CPA6: variants seen among roughly 807,000 people sequenced by gnomAD.
CPA6 encodes carboxypeptidase B.
Under a neutral mutation model 63.3 loss-of-function variants are expected in CPA6, and 58 were observed. That is an observed-to-expected ratio of 0.92 (90% confidence interval 0.74 to 1.14). The LOEUF is 1.14. Among genes scored for constraint, CPA6 ranks in the 50% most tolerant of loss-of-function variants. CPA6 has a pLI of 0.00. For synonymous variants in CPA6, 185 were observed against 179.0 expected (o/e 1.03, Z -0.27); for missense variants, 565 against 526.6 (o/e 1.07, Z -0.71).
At chr8:67,509,966 G>C (rs1812010236) in intron 4 of CPA6, among the ~76,000 whole-genome samples, 1 of 152,046 alleles carries the variant, frequency 6.6e-6, no homozygotes, top group Middle Eastern at 3.2e-3. Flanking sequence ...TTTTCCACAA[G>C]TATTTAAGAG....
Position 67,722,422 on chromosome 8 carries a change from T to C in CPA6, c.116+23592A>G, listed in dbSNP as rs144746566. On this transcript the variant is annotated intron_variant, in intron 1 of 10. Transcript: ENST00000297770. ...CATTTTTTAAATCTGCAGGTAATTC[T>C]AATAAAAAAAAATCAGCTTTGAGAG... 5.4e-3 allele frequency among the ~76,000 whole-genome samples: 826 copies of C among 152,314 alleles called. 5 individuals are homozygous for C. Among genetic ancestry groups the C allele is most frequent in the Non-Finnish European group, 8.1e-3 (548 of 68,022 alleles).
At chr8:67,447,817 C>T (rs979505681) in intron 8 of CPA6, among the ~76,000 whole-genome samples, 1 of 152,022 alleles carries the variant, frequency 6.6e-6, no homozygotes, top group Non-Finnish European at 1.5e-5. Flanking sequence ...CAGAGTCTTG[C>T]TCTGTCACCC....
chr8:67,685,856 T>C (rs1422218486), intron 1 of CPA6, among the ~76,000 whole-genome samples: 2 of 152,250 alleles, frequency 1.3e-5, no homozygotes, highest in African/African-American at 2.4e-5. Flanking sequence ...CTTCCAGTTA[T>C]AGACATGGTT....
At chr8:67,516,766 A>T (rs1272594136) in intron 3 of CPA6, among the ~76,000 whole-genome samples, 1 of 151,778 alleles carries the variant, frequency 6.6e-6, no homozygotes, top group African/African-American at 2.4e-5. Flanking sequence ...TTTCTTTTTC[A>T]GCTCCTCTGA....
chr8:67,681,220 T>TTTTTTTTTTTTTTTAAG, intron 1 of CPA6, among the ~76,000 whole-genome samples: 1 of 129,832 alleles, frequency 7.7e-6, no homozygotes, highest in African/African-American at 3.2e-5. Context: ...TTTTTTTTTT[T>TTTTTTTTTTTTTTTAAG]GAGACGGAGT....
rs1173561771 is a variant in CPA6 at position 67,742,146 on chromosome 8, G to A, written c.116+3868C>T. On this transcript the variant is annotated intron_variant, in intron 1 of 10. Coordinates refer to ENST00000297770, the MANE Select transcript of CPA6 (RefSeq NM_020361.5). ...TCTACTTTTGTGTGTGTGTGTGTGC[G>A]CGTGTGTGTGTGACAACAGAAAGTT... 5.9e-5 allele frequency among the ~76,000 whole-genome samples: 9 copies of A among 152,040 alleles called. No individual in the cohort carries two copies. The South Asian group carries it at 6.2e-4, about 11-fold the overall frequency.
intron 8 of CPA6, among the ~76,000 whole-genome samples, chr8:67,456,258 G>T (rs1233746156): frequency 6.6e-6 from 1 of 152,174 alleles, no homozygotes; most frequent in African/African-American, 2.4e-5. Context: ...TTCTCAGAAT[G>T]CAGTTTTCCT....
At chr8:67,467,336 A>G (rs1810948818) in intron 8 of CPA6, among the ~76,000 whole-genome samples, 1 of 152,048 alleles carries the variant, frequency 6.6e-6, no homozygotes, top group South Asian at 2.1e-4. Flanking sequence ...ACCTTTTATA[A>G]TACTCCAGAT....
At chr8:67,433,758 A>G (rs1022501387) in intron 9 of CPA6, among the ~76,000 whole-genome samples, 1 of 152,212 alleles carries the variant, frequency 6.6e-6, no homozygotes, top group African/African-American at 2.4e-5. Context: ...CAGCTAGGGA[A>G]CTAGACTTGG....
intron 2 of CPA6, among the ~76,000 whole-genome samples, chr8:67,552,792 A>G (rs1028410153): frequency 2.1e-4 from 31 of 149,880 alleles, no homozygotes; most frequent in African/African-American, 7.5e-4. Flanking sequence ...AAAAAAAAAA[A>G]AAAAAAAAAG....
chr8:67,630,641 G>A (rs999226867), intron 1 of CPA6, among the ~76,000 whole-genome samples: 7 of 152,340 alleles, frequency 4.6e-5, no homozygotes. Context: ...GGGAACCCTT[G>A]AGCCCGCTGC....
At chr8:67,484,824 G>A in intron 6 of CPA6, 35 bp from the exon 7 acceptor site, 1 of 1,237,792 alleles carries the variant, frequency 8.1e-7, no homozygotes. Flanking sequence ...CTTTTAAATT[G>A]GTCCCCAAAA....
At chr8:67,674,277 T>C (rs1013189179) in intron 1 of CPA6, among the ~76,000 whole-genome samples, 2 of 152,160 alleles carry the variant, frequency 1.3e-5, no homozygotes, top group Non-Finnish European at 2.9e-5. Flanking sequence ...AGGAATGATG[T>C]AGATAAAATG....
chr8:67,700,348 C>T (rs1419625646), intron 1 of CPA6, among the ~76,000 whole-genome samples: 1 of 152,186 alleles, frequency 6.6e-6, no homozygotes, highest in Non-Finnish European at 1.5e-5. Flanking sequence ...TGGTAACTGA[C>T]CCCAAACTGT....
At chr8:67,468,514 A>G (rs1810980544) in intron 8 of CPA6, among the ~76,000 whole-genome samples, 1 of 151,956 alleles carries the variant, frequency 6.6e-6, no homozygotes. Flanking sequence ...TGAACCTGGG[A>G]GGTGAAAGTT....
chr8:67,461,387 CCGATCAACAGGATCCCAAGG>C (rs1810799951), intron 8 of CPA6, among the ~76,000 whole-genome samples: 1 of 148,070 alleles, frequency 6.8e-6, no homozygotes, highest in Non-Finnish European at 1.5e-5. Flanking sequence ...GGTAAGGTCA[CCGATCAACAGGATCCCAAGG>C]CAGAAGAATT....
chr8:67,594,159 A>T (rs1167768432), intron 2 of CPA6, among the ~76,000 whole-genome samples: 1 of 152,158 alleles, frequency 6.6e-6, no homozygotes, highest in Non-Finnish European at 1.5e-5. Flanking sequence ...GTTTGGCTGG[A>T]TATGAAATTC....
chr8:67,465,468 C>T (rs116221897), intron 8 of CPA6, among the ~76,000 whole-genome samples: 1,703 of 152,168 alleles, frequency 0.011, 28 homozygotes, highest in African/African-American at 0.038. Context: ...ACTTCTTTTT[C>T]TATTTGGATG....
At chr8:67,728,197 C>A (rs914335249) in intron 1 of CPA6, among the ~76,000 whole-genome samples, 2 of 151,706 alleles carry the variant, frequency 1.3e-5, no homozygotes, top group African/African-American at 4.8e-5. Context: ...CATTTAATTC[C>A]CCTAAAAGTC....
Sources: gnomAD v4.1 joint callset for allele counts (sites outside exome capture counted in the v4.1 genomes callset) on GRCh38, gnomAD v4.1.1 for gene constraint, MANE v1.5 for transcripts, NCBI Gene and HGNC (gene_info 2026-07-23, HGNC 2026-07-21) for gene names.